The following PCDHGC3 variants were observed in gnomAD, a reference collection of about 807,000 sequenced individuals.
The protein encoded by PCDHGC3 is protocadherin gamma subfamily C, 3.
PCDHGC3 carries 26 observed loss-of-function variants against 59.2 expected under a neutral mutation model. That is an observed-to-expected ratio of 0.44 (90% CI 0.32 to 0.61). The LOEUF (loss-of-function observed/expected upper bound fraction) is 0.61. Ranked by LOEUF, PCDHGC3 falls within the 20% of genes least tolerant of loss-of-function variation. PCDHGC3 has a pLI of 0.05. For missense variants in PCDHGC3, 1,080 were observed against 1,221.8 expected (o/e 0.88, Z 1.73); for synonymous variants, 487 against 519.7 (o/e 0.94, Z 0.86).
At position 141,490,938 on chromosome 5, in the gene PCDHGC3, C is replaced by T. The variant is rs2099706179; in HGVS notation, c.2431-3869C>T. ...ATGATAATGCCCCAGCTGTGCTGCA[C>T]CCACGGCCAGACTGGGAACACTCAG... On this transcript the variant is annotated intron_variant, in intron 1 of 3. Coordinates refer to ENST00000308177, the MANE Select transcript of PCDHGC3 (RefSeq NM_002588.4). This position sits in a 1 kb window ranked among gnomAD's most constrained non-coding sequence, Gnocchi z 5.4. 6.2e-7 allele frequency: 1 copy of T among 1,613,554 alleles called. No homozygotes were observed. Among genetic ancestry groups the T allele is most frequent in the African/African-American group, 1.3e-5 (1 of 74,934 alleles).
chr5:141,511,007 G>A lies in PCDHGC3; in HGVS notation c.2639G>A (p.Arg880His), dbSNP rs780918754. The change falls in exon 4 of 4, where the codon CGC becomes CAC. Residue 880 changes from arginine to histidine, a missense_variant. Physicochemically the swap from Arg to His is conservative, Grantham distance 29 (BLOSUM62 0). Transcript: ENST00000308177. ...GCCGGCACCATGGGATTGAGCGCCC[G>A]CTACGGACCCCAGTTCACCCTGCAG... is the stretch of plus-strand genomic sequence containing the variant. ...GGAGTMGLSA[R>H]YGPQFTLQHV... 1.9e-6 allele frequency: 3 copies of A among 1,614,158 alleles called. No individual in the cohort carries two copies. Among genetic ancestry groups the A allele is most frequent in the East Asian group, 4.5e-5 (2 of 44,890 alleles).
chr5:141,505,509 G>A (rs778054090), intron 3 of PCDHGC3, 28 bp downstream of exon 3: 1 of 1,613,940 alleles, frequency 6.2e-7, no homozygotes, highest in Non-Finnish European at 8.5e-7. Context: ...GTGTATGGAA[G>A]AGTGGGAGAC....
Position 141,510,974 on chromosome 5 carries a change from G to T in PCDHGC3, c.2606G>T (p.Gly869Val). The T allele has an allele frequency of 6.2e-7, 1 of 1,614,150 alleles. No homozygotes were observed. The highest frequency in any genetic ancestry group is 1.1e-5 in the South Asian group (1 of 91,088). ...SEAADGSSTL[G>V]GGAGTMGLSA... ...GCTGCTGATGGGAGCTCCACCCTGG[G>T]AGGGGGTGCCGGCACCATGGGATTG... is the stretch of plus-strand genomic sequence containing the variant. The change falls in exon 4 of 4, where the codon GGA becomes GTA. Residue 869 changes from glycine (G) to valine (V), a missense_variant. Physicochemically the swap from Gly to Val is moderately radical, Grantham distance 109. Transcript: ENST00000308177.
chr5:141,477,220 G>A lies in PCDHGC3; in HGVS notation c.1104G>A (p.Gly368=). 24 of 1,614,190 alleles carry A rather than the reference G, an allele frequency of 1.5e-5. No individual in the cohort carries two copies. The highest frequency in any genetic ancestry group is 1.9e-5 in the Non-Finnish European group (23 of 1,180,040). ...YSPVPEDAPL[G]TVIALLSVTD... is the part of the protein sequence containing the mutation. ...CAGTACCCGAGGATGCCCCTCTGGG[G>A]ACTGTCATCGCTTTGCTCAGTGTGA... is the stretch of plus-strand genomic sequence containing the variant. Residue 368 remains glycine (G), a synonymous_variant, in exon 1 of 4, where the codon GGG becomes GGA. Coordinates refer to ENST00000308177, the MANE Select transcript of PCDHGC3 (RefSeq NM_002588.4). The surrounding 1 kb of genome is among the most constrained non-coding windows in gnomAD (Gnocchi z 4.9).
rs1562187768 is a variant in PCDHGC3, at chr5:141,499,029, A to AAGG, written c.2489+4165_2489+4166insGGA. 5.0e-3 allele frequency among the ~76,000 whole-genome samples: 706 copies of AAGG among 140,066 alleles called. 6 individuals carry two copies. Among genetic ancestry groups the AAGG allele is most frequent in the African/African-American group, 0.019 (683 of 36,064 alleles). The allele number at this position is 140,066 out of a possible 152,430, so 91.9% of individuals were successfully genotyped here. A position where few individuals can be genotyped will look rare whatever the true frequency, so the allele number is the denominator to read the frequency against. ...GGAAGGAAGGAAGGAAGGAAGGAAG[A>AAGG]AAAGAAAGAAAAAGGGAGAAAAAAT... On this transcript the variant is annotated intron_variant, in intron 2 of 3. Transcript: ENST00000308177.
intron 3 of PCDHGC3, among the ~76,000 whole-genome samples, chr5:141,509,633 GA>G (rs2099877629): frequency 6.6e-6 from 1 of 152,204 alleles, no homozygotes; most frequent in Non-Finnish European, 1.5e-5. Flanking sequence ...GGGTGATGCT[GA>G]GCCAGGGCCA....
In PCDHGC3 at chr5:141,512,009, CAAGTT is replaced by C. The variant is rs1409890580; in HGVS notation, c.*838_*842del. On this transcript the variant is annotated 3_prime_UTR_variant, in exon 4 of 4. Transcript: ENST00000308177. ...GGGGCATGGACAAAGCTTGACACATCAAGTTATCAAGGCCTTGGAGGAGGCTCTGT... is the reference window on the plus strand; with the variant it reads ...GGGGCATGGACAAAGCTTGACACATCATCAAGGCCTTGGAGGAGGCTCTGT... 1 of 153,074 alleles carries C rather than the reference CAAGTT, an allele frequency of 6.5e-6. No individual in the cohort carries two copies. The highest frequency in any genetic ancestry group is 1.9e-4 in the East Asian group (1 of 5,182). 9.5% of individuals were successfully genotyped at this position (153,074 alleles called of 1,614,324 possible).
Position 141,489,732 on chromosome 5 carries a change from C to T in PCDHGC3, c.2431-5075C>T, listed in dbSNP as rs1562132763. On this transcript the variant is annotated intron_variant, in intron 1 of 3. Coordinates refer to ENST00000308177, the MANE Select transcript of PCDHGC3 (RefSeq NM_002588.4). This position sits in a 1 kb window ranked among gnomAD's most constrained non-coding sequence, Gnocchi z 4.5. ...GTGCCCAGGATCCGGATGTGGGCAC[C>T]AATACTGTGAGCTTTTACACTCTAA... 3.1e-6 allele frequency: 5 copies of T among 1,614,126 alleles called. No individual in the cohort carries two copies. The highest frequency in any genetic ancestry group is 1.1e-5 in the South Asian group (1 of 91,074).
In PCDHGC3 at chr5:141,489,077, C is replaced by CCCCCCACCGGG; in HGVS notation, c.2431-5730_2431-5729insCCCCCACCGGG. ...AGCTCCCCTCCCCCCTGCCCACCCCCGCCACTCGGTGACTAAGAACTGCTG... is the reference window on the plus strand; with the variant it reads ...AGCTCCCCTCCCCCCTGCCCACCCCCCCCCCACCGGGGCCACTCGGTGACTAAGAACTGCTG... On this transcript the variant is annotated intron_variant, in intron 1 of 3. Transcript: ENST00000308177. The surrounding 1 kb of genome is among the most constrained non-coding windows in gnomAD (Gnocchi z 4.5). 6.1e-6 allele frequency: 2 copies of CCCCCCACCGGG among 325,756 alleles called. No individual in the cohort carries two copies. Among genetic ancestry groups the CCCCCCACCGGG allele is most frequent in the Non-Finnish European group, 5.5e-6 (1 of 181,460 alleles). The allele number at this position is 325,756 out of a possible 1,614,324, so 20.2% of individuals were successfully genotyped here.
At position 141,494,854 on chromosome 5, in the gene PCDHGC3, C is replaced by T. The variant is rs1353498253; in HGVS notation, c.2478C>T (p.Pro826=). ...TDWRFSQAQR[P]GTSGSQNGDD... The stretch of plus-strand genomic sequence containing the variant: ...GGCGTTTCTCTCAGGCCCAGAGACC[C>T]GGCACCAGCGGGTAGGTGACTGATT... The change falls in exon 2 of 4, where the codon CCC becomes CCT. Residue 826 remains proline (P), a synonymous_variant. Coordinates refer to ENST00000308177, the MANE Select transcript of PCDHGC3 (RefSeq NM_002588.4). 1.2e-6 allele frequency: 2 copies of T among 1,614,120 alleles called. No homozygotes were observed. Among genetic ancestry groups the T allele is most frequent in the East Asian group, 2.2e-5 (1 of 44,870 alleles).
chr5:141,502,518 T>C (rs1388007900), intron 2 of PCDHGC3, among the ~76,000 whole-genome samples: 1 of 152,184 alleles, frequency 6.6e-6, no homozygotes, highest in Non-Finnish European at 1.5e-5. Flanking sequence ...CCACTATCAG[T>C]GATGCCGAGT....
At position 141,486,114 on chromosome 5, in the gene PCDHGC3, A is replaced by G; in HGVS notation, c.2430+7568A>G. On this transcript the variant is annotated intron_variant, in intron 1 of 3. Coordinates refer to ENST00000308177, the MANE Select transcript of PCDHGC3 (RefSeq NM_002588.4). This position sits in a 1 kb window ranked among gnomAD's most constrained non-coding sequence, Gnocchi z 5.0. ...GGGCCCCTAGACTTTGAGAGTGAGAATTACTATGAATTTGATGTGCGGGCT... is the reference window on the plus strand; with the variant it reads ...GGGCCCCTAGACTTTGAGAGTGAGAGTTACTATGAATTTGATGTGCGGGCT... 3 of 1,614,082 alleles carry G rather than the reference A, an allele frequency of 1.9e-6. No individual in the cohort carries two copies. Among genetic ancestry groups the G allele is most frequent in the South Asian group, 2.2e-5 (2 of 91,072 alleles).
chr5:141,494,675 C>A, intron 1 of PCDHGC3, 132 bp from the exon 2 acceptor site: 2 of 1,548,574 alleles, frequency 1.3e-6, no homozygotes, highest in South Asian at 1.2e-5. Flanking sequence ...TGAGTCCACC[C>A]CTGCCCCCTC....
rs2233605 is a variant in PCDHGC3 at position 141,490,412 on chromosome 5, C to A, written c.2431-4395C>A. ...GGTGAAGTGAGCCTTGATATCTCTC[C>A]GGACCTGCCATTTCAGATTAAGCCT... On this transcript the variant is annotated intron_variant, in intron 1 of 3. Transcript: ENST00000308177. This position sits in a 1 kb window ranked among gnomAD's most constrained non-coding sequence, Gnocchi z 5.4. 1.3e-4 allele frequency: 203 copies of A among 1,614,064 alleles called. 1 individual carries two copies. The highest frequency in any genetic ancestry group is 3.5e-4 in the South Asian group (32 of 91,086).
Position 141,477,889 on chromosome 5 carries a change from A to T in PCDHGC3, c.1773A>T (p.Ser591=). 1 of 1,614,152 alleles carries T rather than the reference A, an allele frequency of 6.2e-7. No homozygotes were observed. Among genetic ancestry groups the T allele is most frequent in the Admixed American group, 1.7e-5 (1 of 60,016 alleles). The change falls in exon 1 of 4, where the codon TCA becomes TCT. Residue 591 remains serine, a synonymous_variant. Coordinates refer to ENST00000308177, the MANE Select transcript of PCDHGC3 (RefSeq NM_002588.4). This position sits in a 1 kb window ranked among gnomAD's most constrained non-coding sequence, Gnocchi z 4.9. The stretch of plus-strand genomic sequence containing the variant: ...GTACCTCAGCTGGCCACCTAGTGTC[A>T]CGGGTGGTAGGCTGGGACGCGGATG... ...PRGTSAGHLV[S]RVVGWDADAG... is the part of the protein sequence containing the mutation.
intron 2 of PCDHGC3, among the ~76,000 whole-genome samples, chr5:141,498,949 AAGAG>A (rs1417276243): frequency 1.3e-4 from 18 of 133,552 alleles, no homozygotes; most frequent in African/African-American, 1.9e-4. Context: ...AAGAAAGAAA[AAGAG>A]AGAGAGGGAG....
intron 2 of PCDHGC3, among the ~76,000 whole-genome samples, chr5:141,500,184 TTTTATTTATTTATTTATTTA>T (rs58019021): frequency 1.5e-5 from 2 of 135,966 alleles, no homozygotes; most frequent in Non-Finnish European, 3.2e-5. Flanking sequence ...TCATTTTTAT[TTTTATTTATTTATTTATTTA>T]TTTATTTATT....
In PCDHGC3 at chr5:141,490,861, T is replaced by C. The variant is rs1465042036; in HGVS notation, c.2431-3946T>C. The C allele has an allele frequency of 1.2e-6, 2 of 1,613,816 alleles. No individual in the cohort carries two copies. Among genetic ancestry groups the C allele is most frequent in the Non-Finnish European group, 1.7e-6 (2 of 1,179,920 alleles). On this transcript the variant is annotated intron_variant, in intron 1 of 3. Coordinates refer to ENST00000308177, the MANE Select transcript of PCDHGC3 (RefSeq NM_002588.4). The surrounding 1 kb of genome is among the most constrained non-coding windows in gnomAD (Gnocchi z 5.4). Reference sequence around the variant, plus strand: ...TGTGGTGGGGGTTCGAGACTCCGGCTCTCCCCCATTGCATGCCAACACATC... The same window carrying C: ...TGTGGTGGGGGTTCGAGACTCCGGCCCTCCCCCATTGCATGCCAACACATC...
At position 141,490,788 on chromosome 5, in the gene PCDHGC3, C is replaced by G. The variant is rs2099704332; in HGVS notation, c.2431-4019C>G. ...ATGTCAACCCAGAGGATGGACGGAT[C>G]TTTGCCCAGCGTACCTTTGACTATG... On this transcript the variant is annotated intron_variant, in intron 1 of 3. Coordinates refer to ENST00000308177, the MANE Select transcript of PCDHGC3 (RefSeq NM_002588.4). The surrounding 1 kb of genome is among the most constrained non-coding windows in gnomAD (Gnocchi z 5.4). 6.2e-7 allele frequency: 1 copy of G among 1,613,918 alleles called. No homozygotes were observed. The highest frequency in any genetic ancestry group is 1.1e-5 in the South Asian group (1 of 91,084).
Sources: allele counts gnomAD v4.1 joint callset (sites outside exome capture counted in the v4.1 genomes callset), GRCh38; gene constraint gnomAD v4.1.1; non-coding constraint Gnocchi (gnomAD v3.1); transcripts MANE v1.5; gene names NCBI Gene and HGNC (gene_info 2026-07-23, HGNC 2026-07-21).